The following GOSR2 variants were observed in gnomAD, a reference collection of about 807,000 sequenced individuals.
GOSR2 encodes golgi SNAP receptor complex member 2, also known as 27 kDa Golgi SNARE protein.
GOSR2 carries 20 observed loss-of-function variants against 27.9 expected under a neutral mutation model. That is an observed-to-expected ratio of 0.72 (90% CI 0.50 to 1.04). The LOEUF (loss-of-function observed/expected upper bound fraction) is 1.04, where lower values mean the gene tolerates loss of function less well. GOSR2 is among the 50% of genes least tolerant of loss of function. GOSR2 has a pLI of 0.00. For synonymous variants in GOSR2, 91 were observed against 98.8 expected, an observed-to-expected ratio of 0.92 and a Z score of 0.47; for missense variants, 261 against 270.5, an observed-to-expected ratio of 0.97 and a Z score of 0.25.
intron 6 of GOSR2, among the ~76,000 whole-genome samples, chr17:46,957,550 T>C (rs1022026273): frequency 5.9e-5 from 9 of 152,022 alleles, no homozygotes; most frequent in African/African-American, 2.2e-4. Flanking sequence ...GAGGCAGAGG[T>C]TGCAGTGAGC....
Position 46,940,808 on chromosome 17 carries a change from T to C in GOSR2, c.*2048T>C. 5 of 1,479,880 alleles carry C rather than the reference T, an allele frequency of 3.4e-6. No individual in the cohort carries two copies. The South Asian group carries it at 6.7e-5, about 20-fold the overall frequency. 91.7% of individuals were successfully genotyped at this position (1,479,880 alleles called of 1,614,324 possible). On this transcript the variant is annotated 3_prime_UTR_variant, in exon 6 of 6. Transcript: ENST00000640051. Reference sequence around the variant, plus strand: ...ATTGCAGAGGTGGTTTTTGGGTCTTTACCACCTGCGGCTGGTGGACAGCAG... The same window carrying C: ...ATTGCAGAGGTGGTTTTTGGGTCTTCACCACCTGCGGCTGGTGGACAGCAG...
At position 46,940,850 on chromosome 17, in the gene GOSR2, C is replaced by T; in HGVS notation, c.*2090C>T. The T allele has an allele frequency of 7.6e-6, 11 of 1,442,506 alleles. No individual in the cohort carries two copies. In the South Asian group the frequency reaches 1.6e-4, roughly 21 times the overall value. The allele number at this position is 1,442,506 out of a possible 1,614,324, so 89.4% of individuals were successfully genotyped here. On this transcript the variant is annotated 3_prime_UTR_variant, in exon 6 of 6. Coordinates refer to ENST00000640051, the MANE Select transcript of GOSR2 (RefSeq NM_004287.5). ...GGACAGCAGCCAGTGTGTCTGGACA[C>T]CCAGGGGCATTGAGACTGCATGTTG...
chr17:46,965,676 G>C (rs2091284102), intron 6 of GOSR2, among the ~76,000 whole-genome samples: 1 of 152,124 alleles, frequency 6.6e-6, no homozygotes, highest in Non-Finnish European at 1.5e-5. Context: ...AGGCTGGAGT[G>C]CACTGGTGTG....
At chr17:46,923,636 C>T (rs1037253691) in intron 1 of GOSR2, 8 of 1,180,988 alleles carry the variant, frequency 6.8e-6, no homozygotes, top group Non-Finnish European at 8.5e-6. Flanking sequence ...AGTCAGGGCA[C>T]GTACGGGAAA....
chr17:46,936,719 CTG>C (rs2088438282), intron 5 of GOSR2: 3 of 984,724 alleles, frequency 3.0e-6, no homozygotes, highest in Non-Finnish European at 3.6e-6. Context: ...ATGAAATAAT[CTG>C]TGTGTTCAGA....
rs1243328522 is a variant in GOSR2 at position 46,941,844 on chromosome 17, C to A, written c.*3084C>A. The A allele has an allele frequency of 6.4e-6, 5 of 785,624 alleles. No individual in the cohort carries two copies. The highest frequency in any genetic ancestry group is 7.7e-6 in the Non-Finnish European group (5 of 647,234). 48.7% of individuals were successfully genotyped at this position (785,624 alleles called of 1,614,324 possible). On this transcript the variant is annotated 3_prime_UTR_variant, in exon 6 of 6. Transcript: ENST00000640051. ...CAAGTGATCTGCCTGCTTCGGCCTC[C>A]CAAAGTTCTAGGGTTACAGGTGTTA...
At chr17:46,966,204 A>G (rs1313549903) in intron 6 of GOSR2, among the ~76,000 whole-genome samples, 1 of 152,228 alleles carries the variant, frequency 6.6e-6, no homozygotes, top group African/African-American at 2.4e-5. Flanking sequence ...CAACATCTCA[A>G]ATAATGAGAC....
intron 6 of GOSR2, among the ~76,000 whole-genome samples, chr17:46,950,007 T>C (rs1478606269): frequency 2.0e-5 from 3 of 152,194 alleles, no homozygotes; most frequent in East Asian, 3.8e-4. Context: ...TTGATTGAAA[T>C]TGGAGTGAGC....
intron 4 of GOSR2, among the ~76,000 whole-genome samples, chr17:46,933,863 G>A (rs2087804328): frequency 6.6e-6 from 1 of 151,516 alleles, no homozygotes; most frequent in African/African-American, 2.4e-5. Flanking sequence ...ACTCTCTGGA[G>A]CCTGAGGTGA....
exon 7 of GOSR2, chr17:46,966,953 T>C: frequency 2.7e-6 from 1 of 367,968 alleles, no homozygotes; most frequent in Non-Finnish European, 4.8e-6. Flanking sequence ...ATGCTCACCT[T>C]CTTCCTTGTG....
chr17:46,938,685 G>A lies in GOSR2; in HGVS notation c.564G>A (p.Gln188=), dbSNP rs759623608. Reference sequence around the variant, plus strand: ...GGCTCATCGAGAAGCGGGCTTTCCAGGACAAGTACTTTATGATAGGTGGGA... The same window carrying A: ...GGCTCATCGAGAAGCGGGCTTTCCAAGACAAGTACTTTATGATAGGTGGGA... The part of the protein sequence containing the change: ...VMRLIEKRAF[Q]DKYFMIGGML... The change falls in exon 6 of 6, where the codon CAG becomes CAA. Residue 188 remains glutamine, a synonymous_variant. Transcript: ENST00000640051. 6.2e-7 allele frequency: 1 copy of A among 1,613,748 alleles called. No homozygotes were observed. Among genetic ancestry groups the A allele is most frequent in the Non-Finnish European group, 8.5e-7 (1 of 1,179,876 alleles).
At position 46,932,156 on chromosome 17, in the gene GOSR2, A is replaced by G. The variant is rs1255320155; in HGVS notation, c.293A>G (p.Glu98Gly). The change falls in exon 4 of 6, where the codon GAG becomes GGG. Residue 98 changes from glutamate (E) to glycine (G), a missense_variant. Transcript: ENST00000640051. ...CGGCGCCATGCAAGGGAGCAGCAGG[A>G]GAGACAGCGAGAAGAGCTTCTGTCT... ...QHRRHAREQQ[E>G]RQREELLSRT... 3.7e-6 allele frequency: 6 copies of G among 1,614,176 alleles called. No individual in the cohort carries two copies. The highest frequency in any genetic ancestry group is 5.1e-6 in the Non-Finnish European group (6 of 1,180,010).
intron 6 of GOSR2, among the ~76,000 whole-genome samples, chr17:46,948,239 G>C (rs1224287195): frequency 6.6e-6 from 1 of 152,188 alleles, no homozygotes; most frequent in African/African-American, 2.4e-5. Context: ...CATCTCACAG[G>C]GCAGCTGTGG....
At chr17:46,945,739 G>A (rs905691543), downstream of GOSR2, among the ~76,000 whole-genome samples, 9 of 152,144 alleles carry the variant, frequency 5.9e-5, no homozygotes, top group African/African-American at 1.9e-4. Context: ...TGTGCCCCAG[G>A]CATGTGCAGG....
chr17:46,968,600 AGT>A (rs1172382843), downstream of GOSR2: 14 of 152,490 alleles, frequency 9.2e-5, no homozygotes, highest in African/African-American at 3.4e-4. Context: ...TTCCCATTTT[AGT>A]GTGTGACTCA....
At chr17:46,932,513 A>G (rs2087557762) in intron 4 of GOSR2, 3 of 580,278 alleles carry the variant, frequency 5.2e-6, no homozygotes, top group African/African-American at 3.7e-5. Context: ...TTCTGATCAG[A>G]TAGAGACAGA....
At chr17:46,928,673 G>A (rs2086850949) in intron 1 of GOSR2, among the ~76,000 whole-genome samples, 1 of 152,134 alleles carries the variant, frequency 6.6e-6, no homozygotes, top group Non-Finnish European at 1.5e-5. Flanking sequence ...TTACCAAACA[G>A]AAGGTCCCTG....
chr17:46,935,491 A>C lies in GOSR2; in HGVS notation c.477+322A>C, dbSNP rs901911200. ...ACAGGCTGAGAAATTGTGTTACAGA[A>C]TCTACTCTTGGAAGAATGAAGACGT... On this transcript the variant is annotated intron_variant, in intron 5 of 5. Transcript: ENST00000640051. The C allele has an allele frequency of 3.7e-6, 5 of 1,349,562 alleles. No homozygotes were observed. The African/African-American group carries it at 5.9e-5, about 16-fold the overall frequency. The allele number at this position is 1,349,562 out of a possible 1,614,324, so 83.6% of individuals were successfully genotyped here.
chr17:46,945,105 G>A (rs979815791), downstream of GOSR2, among the ~76,000 whole-genome samples: 1 of 152,176 alleles, frequency 6.6e-6, no homozygotes, highest in East Asian at 1.9e-4. Context: ...GTGAGAGGGC[G>A]AGGTGATGGG....
Sources: gnomAD v4.1 joint callset for allele counts (sites outside exome capture counted in the v4.1 genomes callset) on GRCh38, gnomAD v4.1.1 for gene constraint, MANE v1.5 for transcripts, NCBI Gene and HGNC (gene_info 2026-07-23, HGNC 2026-07-21) for gene names.